The following EFCAB8 variants were observed in gnomAD, a reference collection of about 807,000 sequenced individuals.
EFCAB8 encodes the protein EF-hand calcium-binding domain-containing protein 8.
Under a neutral mutation model 116.3 loss-of-function variants are expected in EFCAB8, and 100 were observed. The ratio of observed to expected loss-of-function variants is 0.86; its 90% CI spans 0.73 to 1.02. The LOEUF (loss-of-function observed/expected upper bound fraction) is 1.02. Ranked by LOEUF, EFCAB8 falls within the 50% of genes least tolerant of loss-of-function variation. The probability of loss-of-function intolerance (pLI) is 0.00; values close to 1 mark genes in which losing one functional copy is unlikely to be tolerated. For synonymous variants in EFCAB8, 558 were observed against 567.9 expected (o/e 0.98, Z 0.25); for missense variants, 1,320 against 1,416.9 (o/e 0.93, Z 1.10).
At chr20:32,954,002 C>T (rs905437561) in intron 23 of EFCAB8, among the ~76,000 whole-genome samples, 5 of 152,100 alleles carry the variant, frequency 3.3e-5, no homozygotes, top group African/African-American at 1.2e-4. Context: ...GACAGAGTTT[C>T]ATCACTTTGG....
chr20:32,883,019 C>T (rs757414588), intron 5 of EFCAB8, among the ~76,000 whole-genome samples: 5 of 152,036 alleles, frequency 3.3e-5, no homozygotes, highest in Non-Finnish European at 7.4e-5. Context: ...TTAATAGAGA[C>T]GGGATTTCAC....
Position 32,909,823 on chromosome 20 carries a change from C to T in EFCAB8, c.1449C>T (p.Ile483=), listed in dbSNP as rs1190346730. 10 of 1,247,354 alleles carry T rather than the reference C, an allele frequency of 8.0e-6. No homozygotes were observed. Among genetic ancestry groups the T allele is most frequent in the African/African-American group, 3.1e-5 (2 of 64,398 alleles). 77.3% of individuals were successfully genotyped at this position (1,247,354 alleles called of 1,614,324 possible). A position where few individuals can be genotyped will look rare whatever the true frequency, so the allele number is the denominator to read the frequency against. Residue 483 remains isoleucine (I), a splice_region_variant and synonymous_variant, in exon 15 of 27, where the codon ATC becomes ATT. Coordinates refer to ENST00000400522, the MANE Select transcript of EFCAB8 (RefSeq NM_001143967.2). ...DNTLICSTYS[I]GILKGYLEAQ... ...TCTGCCCCTTTCCTCACCTACAGATCGGGATCCTAAAAGGGTACTTAGAGG... is the reference window on the plus strand; with the variant it reads ...TCTGCCCCTTTCCTCACCTACAGATTGGGATCCTAAAAGGGTACTTAGAGG...
At chr20:32,884,709 C>CCAG (rs1985519924) in intron 5 of EFCAB8, among the ~76,000 whole-genome samples, 1 of 152,162 alleles carries the variant, frequency 6.6e-6, no homozygotes, top group Non-Finnish European at 1.5e-5. Flanking sequence ...GGACATAACT[C>CCAG]CAGGCAAATG....
chr20:32,904,291 C>A (rs1309805993), intron 11 of EFCAB8, among the ~76,000 whole-genome samples: 1 of 147,708 alleles, frequency 6.8e-6, no homozygotes, highest in Admixed American at 6.8e-5. Flanking sequence ...CTGTGTCTGG[C>A]CTGAATAGAG....
At chr20:32,897,110 TC>T (rs1347077881) in intron 10 of EFCAB8, among the ~76,000 whole-genome samples, 4 of 152,032 alleles carry the variant, frequency 2.6e-5, no homozygotes, top group Non-Finnish European at 5.9e-5. Flanking sequence ...GCCGCGGGGC[TC>T]TCCCCTAAGG....
chr20:32,936,850 A>C (rs565601464), intron 22 of EFCAB8, among the ~76,000 whole-genome samples: 15 of 152,282 alleles, frequency 9.9e-5, no homozygotes, highest in Admixed American at 9.2e-4. Flanking sequence ...AAGAAATGAC[A>C]TTGGAATTTT....
At chr20:32,902,194 G>A (rs1986459789) in intron 11 of EFCAB8, among the ~76,000 whole-genome samples, 1 of 152,120 alleles carries the variant, frequency 6.6e-6, no homozygotes, top group South Asian at 2.1e-4. Context: ...CAGAGAACTG[G>A]TGTGGTCTGG....
At chr20:32,885,371 C>A in intron 5 of EFCAB8, 134 bp from the exon 6 acceptor site, 1 of 1,191,410 alleles carries the variant, frequency 8.4e-7, no homozygotes, top group Non-Finnish European at 1.2e-6. Flanking sequence ...TTATGGCGTG[C>A]GCATGTGCGT....
At chr20:32,940,023 C>CCTTCCTT (rs1988346452) in intron 22 of EFCAB8, among the ~76,000 whole-genome samples, 4 of 56,124 alleles carry the variant, frequency 7.1e-5, no homozygotes, top group East Asian at 4.6e-4. Flanking sequence ...CTCCCTCCCT[C>CCTTCCTT]CCTTCCTTCC....
Sources: allele counts gnomAD v4.1 joint callset (sites outside exome capture counted in the v4.1 genomes callset), GRCh38; gene constraint gnomAD v4.1.1; transcripts MANE v1.5; gene names NCBI Gene and HGNC (gene_info 2026-07-23, HGNC 2026-07-21).